The following MGAM2 variants were observed in gnomAD, a reference collection of about 807,000 sequenced individuals.
The protein encoded by MGAM2 is probable maltase-glucoamylase 2.
In MGAM2, 98 loss-of-function variants were observed where a neutral mutation model predicts 96.1. The observed-to-expected ratio is 1.02, with a 90% CI of 0.87 to 1.21. The LOEUF is 1.21. MGAM2 is among the 50% of genes most tolerant of loss of function. The pLI is 0.00. For synonymous variants in MGAM2, 749 were observed against 414.8 expected, an observed-to-expected ratio of 1.81 and a Z score of -9.79; for missense variants, 2,055 against 1,182.4, an observed-to-expected ratio of 1.74 and a Z score of -10.82.
intron 46 of MGAM2, among the ~76,000 whole-genome samples, chr7:142,213,758 G>A (rs1031715909): frequency 5.9e-5 from 9 of 152,088 alleles, no homozygotes; most frequent in Non-Finnish European, 1.2e-4. Flanking sequence ...AGAGGAACTG[G>A]TACCGTTCCT....
intron 3 of MGAM2, among the ~76,000 whole-genome samples, chr7:142,129,825 CAAAAAAAAAAAAAAAAAAAAAA>C (rs71166564): frequency 0.31 from 10,281 of 33,692 alleles, 753 homozygotes; most frequent in South Asian, 0.51. Context: ...AACTCTGTCT[CAAAAAAAAAAAAAAAAAAAAAA>C]AAAAAAAAAA....
At chr7:142,198,485 C>T in intron 43 of MGAM2, 130 bp from the exon 44 acceptor site, 1 of 594,148 alleles carries the variant, frequency 1.7e-6, no homozygotes, top group Non-Finnish European at 3.0e-6. Flanking sequence ...CAGAGATTTT[C>T]TCTTTAGGTT....
chr7:142,185,355 C>T (rs1175617065), intron 34 of MGAM2, among the ~76,000 whole-genome samples: 2 of 152,116 alleles, frequency 1.3e-5, no homozygotes, highest in Non-Finnish European at 1.5e-5. Flanking sequence ...CAATGAAATC[C>T]TCTCATAAGT....
intron 24 of MGAM2, 139 bp downstream of exon 24, chr7:142,165,162 G>A (rs907797414): frequency 2.0e-6 from 1 of 510,118 alleles, no homozygotes; most frequent in Non-Finnish European, 3.4e-6. Flanking sequence ...AAAGGATGCA[G>A]GAGAAACGTG....
In MGAM2 at chr7:142,137,943, A is replaced by C. The variant is rs1375133429; in HGVS notation, c.960+398A>C. ...AAGGAAGACGCTTGAGGTTGGCTGC[A>C]GTGGCTCATGCTTGTAATTCCACCA... On this transcript the variant is annotated intron_variant, in intron 9 of 47. Coordinates refer to ENST00000477922, the MANE Select transcript of MGAM2 (RefSeq NM_001293626.2). Among the ~76,000 whole-genome samples, 4 of 152,346 alleles carry C rather than the reference A, an allele frequency of 2.6e-5. No individual in the cohort carries two copies. In the East Asian group the frequency reaches 7.7e-4, roughly 29 times the overall value.
Position 142,220,276 on chromosome 7 carries a change from C to T in MGAM2, c.5765C>T (p.Ala1922Val), listed in dbSNP as rs1797882191. The T allele has an allele frequency of 1.4e-6, 1 of 702,556 alleles. No homozygotes were observed. The highest frequency in any genetic ancestry group is 2.6e-6 in the Non-Finnish European group (1 of 384,894). 43.5% of individuals were successfully genotyped at this position (702,556 alleles called of 1,614,324 possible). ...TTNATVPNTT[A>V]PFPTNASTAS... ...AATGCTACTGTTCCCAATACAACTG[C>T]CCCTTTCCCAACAAATGCTAGTACT... is the stretch of plus-strand genomic sequence containing the variant. The change falls in exon 48 of 48, where the codon GCC (alanine) becomes GTC (valine). Residue 1922 changes from alanine to valine, a missense_variant. Coordinates refer to ENST00000477922, the MANE Select transcript of MGAM2 (RefSeq NM_001293626.2).
rs1433551245 is a variant in MGAM2, at chr7:142,165,063, C to G, written c.2652+40C>G. The stretch of plus-strand genomic sequence containing the variant: ...CATTCTGCAGGGCCCTTTCCAGAGG[C>G]CTTGGCTCTGACAGCCAGCCCTACT... On this transcript the variant is annotated intron_variant, in intron 24 of 47. Coordinates refer to ENST00000477922, the MANE Select transcript of MGAM2 (RefSeq NM_001293626.2). 3 of 644,384 alleles carry G rather than the reference C, an allele frequency of 4.7e-6. 1 individual carries two copies. In the East Asian group the frequency reaches 8.5e-5, roughly 18 times the overall value. 39.9% of individuals were successfully genotyped at this position (644,384 alleles called of 1,614,324 possible).
Position 142,220,111 on chromosome 7 carries a change from G to T in MGAM2, c.5600G>T (p.Ser1867Ile). The T allele has an allele frequency of 1.4e-6, 1 of 702,712 alleles. No individual in the cohort carries two copies. Among genetic ancestry groups the T allele is most frequent in the South Asian group, 1.5e-5 (1 of 67,588 alleles). The allele number at this position is 702,712 out of a possible 1,614,324, so 43.5% of individuals were successfully genotyped here. A position where few individuals can be genotyped will look rare whatever the true frequency, so the allele number is the denominator to read the frequency against. Residue 1867 changes from serine (S) to isoleucine (I), a missense_variant, in exon 48 of 48, where the codon AGT becomes ATT. Coordinates refer to ENST00000477922, the MANE Select transcript of MGAM2 (RefSeq NM_001293626.2). ...TVPITTTSFP[S>I]TTSVTTNTTV... Reference sequence around the variant, plus strand: ...CCTATCACAACCACATCTTTCCCAAGTACTACTAGTGTTACAACTAATACT... The same window carrying T: ...CCTATCACAACCACATCTTTCCCAATTACTACTAGTGTTACAACTAATACT...
At chr7:142,117,088 T>C in intron 2 of MGAM2, 109 bp downstream of exon 2, 1 of 649,818 alleles carries the variant, frequency 1.5e-6, no homozygotes. Flanking sequence ...CATTGCAGTA[T>C]TCAAAATTCA....
chr7:142,176,170 T>C (rs1796371290), intron 32 of MGAM2, among the ~76,000 whole-genome samples: 1 of 151,596 alleles, frequency 6.6e-6, no homozygotes, highest in Non-Finnish European at 1.5e-5. Context: ...CTTAATCTCA[T>C]CTTTACGTCA....
chr7:142,204,541 A>G (rs1435999672), intron 45 of MGAM2, among the ~76,000 whole-genome samples: 1 of 152,006 alleles, frequency 6.6e-6, no homozygotes, highest in Non-Finnish European at 1.5e-5. Context: ...CTAGTTGTAT[A>G]TCTTCTGGAA....
intron 25 of MGAM2, among the ~76,000 whole-genome samples, chr7:142,166,580 G>A (rs1796034305): frequency 6.6e-6 from 1 of 152,174 alleles, no homozygotes; most frequent in South Asian, 2.1e-4. Flanking sequence ...AGGTCAGGCT[G>A]TTCCTGTCTA....
At chr7:142,128,745 T>C (rs1794798061) in intron 3 of MGAM2, among the ~76,000 whole-genome samples, 1 of 152,230 alleles carries the variant, frequency 6.6e-6, no homozygotes, top group Non-Finnish European at 1.5e-5. Flanking sequence ...TCTACCTAGA[T>C]TTCAGAGGAC....
chr7:142,186,828 C>T (rs530247125), intron 35 of MGAM2, among the ~76,000 whole-genome samples: 5 of 152,310 alleles, frequency 3.3e-5, no homozygotes, highest in South Asian at 2.1e-4. Flanking sequence ...CCTGACCACC[C>T]GCACCTTTGA....
At chr7:142,190,522 C>T (rs1180261440) in intron 37 of MGAM2, among the ~76,000 whole-genome samples, 1 of 152,040 alleles carries the variant, frequency 6.6e-6, no homozygotes, top group Non-Finnish European at 1.5e-5. Context: ...GATCCACCTG[C>T]CTCGGCCTCC....
chr7:142,158,353 A>G (rs1448513949), intron 19 of MGAM2, 21 bp downstream of exon 19: 1 of 702,802 alleles, frequency 1.4e-6, no homozygotes, highest in African/African-American at 1.7e-5. Context: ...CATCTAAACA[A>G]TGAAAGGGGG....
At chr7:142,166,544 G>C (rs1378702014) in intron 25 of MGAM2, among the ~76,000 whole-genome samples, 2 of 152,168 alleles carry the variant, frequency 1.3e-5, no homozygotes, top group African/African-American at 2.4e-5. Flanking sequence ...TGTTTTGTCT[G>C]TTGGAGAACA....
At chr7:142,168,172 T>C (rs1159598512) in intron 26 of MGAM2, among the ~76,000 whole-genome samples, 1 of 152,148 alleles carries the variant, frequency 6.6e-6, no homozygotes, top group Non-Finnish European at 1.5e-5. Context: ...CAGAATCACC[T>C]TCAGATCATT....
intron 32 of MGAM2, among the ~76,000 whole-genome samples, chr7:142,182,075 C>T (rs963427645): frequency 5.9e-5 from 9 of 152,246 alleles, no homozygotes; most frequent in African/African-American, 2.2e-4. Flanking sequence ...ATGCCCAACT[C>T]CCACACCAGC....
Sources: allele counts gnomAD v4.1 joint callset (sites outside exome capture counted in the v4.1 genomes callset), GRCh38; gene constraint gnomAD v4.1.1; transcripts MANE v1.5; gene names NCBI Gene and HGNC (gene_info 2026-07-23, HGNC 2026-07-21).